The following SUGP1 variants were observed in gnomAD, a reference collection of about 807,000 sequenced individuals.
SUGP1 encodes SURP and G-patch domain-containing protein 1.
A neutral mutation model predicts 76.5 loss-of-function variants in SUGP1; 34 were observed. The observed-to-expected ratio is 0.44, with a 90% CI of 0.34 to 0.59. The LOEUF is 0.59. Among genes scored for constraint, SUGP1 ranks in the 20% least tolerant of loss-of-function variants. The pLI is 0.01. For synonymous variants in SUGP1, 326 were observed against 326.2 expected, an observed-to-expected ratio of 1.00 and a Z score of 0.01; for missense variants, 752 against 851.7, an observed-to-expected ratio of 0.88 and a Z score of 1.46.
At chr19:19,284,875 GTTTTT>G (rs756645152) in intron 8 of SUGP1, among the ~76,000 whole-genome samples, 1 of 129,776 alleles carries the variant, frequency 7.7e-6, no homozygotes, top group Non-Finnish European at 1.7e-5. Context: ...AAACAGGTTT[GTTTTT>G]TTTTTTTTTT....
intron 8 of SUGP1, among the ~76,000 whole-genome samples, chr19:19,289,986 C>T (rs2061169322): frequency 1.3e-5 from 2 of 151,896 alleles, no homozygotes; most frequent in Non-Finnish European, 2.9e-5. Context: ...GCCATGTACT[C>T]GGCCCCCAAC....
intron 2 of SUGP1, among the ~76,000 whole-genome samples, chr19:19,313,168 C>A (rs1029346556): frequency 6.6e-6 from 1 of 151,660 alleles, no homozygotes; most frequent in African/African-American, 2.4e-5. Context: ...CCAAAGCAGG[C>A]GGATCACCTG....
chr19:19,300,742 A>T lies in SUGP1; in HGVS notation c.887+1523T>A, dbSNP rs976462509. 1.4e-4 allele frequency among the ~76,000 whole-genome samples: 21 copies of T among 152,136 alleles called. No individual in the cohort carries two copies. In the South Asian group the frequency reaches 1.5e-3, roughly 11 times the overall value. ...TCTCCTCTGGCTGCCCGGGGTACCC[A>T]CCCCAGGCGACCTCAACCAGCCTGG... is the stretch of plus-strand genomic sequence containing the variant. On this transcript the variant is annotated intron_variant, in intron 7 of 13. Coordinates refer to ENST00000247001, the MANE Select transcript of SUGP1 (RefSeq NM_172231.4).
intron 7 of SUGP1, among the ~76,000 whole-genome samples, chr19:19,297,663 C>A (rs1188419022): frequency 6.6e-6 from 1 of 152,178 alleles, no homozygotes; most frequent in Admixed American, 6.5e-5. Flanking sequence ...TTCCCCAGGG[C>A]CTGGGAAAAG....
intron 7 of SUGP1, among the ~76,000 whole-genome samples, chr19:19,300,041 G>T (rs1433552208): frequency 6.6e-6 from 1 of 151,972 alleles, no homozygotes; most frequent in African/African-American, 2.4e-5. Context: ...GCCTCCCAAA[G>T]TGCTGGGATT....
Position 19,297,293 on chromosome 19 carries a change from C to A in SUGP1, c.939G>T (p.Leu313=). The A allele has an allele frequency of 6.5e-7, 1 of 1,545,822 alleles. No homozygotes were observed. Among genetic ancestry groups the A allele is most frequent in the South Asian group, 1.2e-5 (1 of 81,806 alleles). ...TGGCCTTGGCTTTCCGGAACTCCTCCAGCTTCTGTCGGTAGTACTTGTACC... is the reference window on the plus strand; with the variant it reads ...TGGCCTTGGCTTTCCGGAACTCCTCAAGCTTCTGTCGGTAGTACTTGTACC... ...SQGYKYYRQK[L]EEFRKAKASS... is the part of the protein sequence containing the mutation. The change falls in exon 8 of 14, where the codon CTG becomes CTT. Residue 313 remains leucine (L), a synonymous_variant. Coordinates refer to ENST00000247001, the MANE Select transcript of SUGP1 (RefSeq NM_172231.4).
Position 19,317,222 on chromosome 19 carries a change from T to C in SUGP1, c.35-629A>G, listed in dbSNP as rs1362094012. ...GGTGAAAAAGTAACAGGAGAGTACA[T>C]ATGCAGGTAGGACAGGCAGAAAATA... On this transcript the variant is annotated intron_variant, in intron 1 of 13. Transcript: ENST00000247001. Among the ~76,000 whole-genome samples, 92 of 150,840 alleles carry C rather than the reference T, an allele frequency of 6.1e-4. 1 individual carries two copies. Among genetic ancestry groups the C allele is most frequent in the Admixed American group, 6.1e-3 (92 of 15,138 alleles).
At chr19:19,303,702 T>C in intron 5 of SUGP1, 22 bp downstream of exon 5, 2 of 1,613,972 alleles carry the variant, frequency 1.2e-6, no homozygotes, top group Non-Finnish European at 1.7e-6. Flanking sequence ...AGCACAGCCT[T>C]CCCTTCCCCG....
chr19:19,281,904 C>A (rs2146593143), intron 8 of SUGP1, among the ~76,000 whole-genome samples: 1 of 152,336 alleles, frequency 6.6e-6, no homozygotes, highest in East Asian at 1.9e-4. Context: ...GAAATTGCTG[C>A]TAAGAAGGGA....
chr19:19,304,396 C>T (rs536991160), intron 4 of SUGP1, among the ~76,000 whole-genome samples: 3 of 152,118 alleles, frequency 2.0e-5, no homozygotes, highest in Non-Finnish European at 4.4e-5. Flanking sequence ...CCAGGACAGG[C>T]GCTCCAAGAT....
At chr19:19,313,880 G>A (rs1002563571) in intron 2 of SUGP1, among the ~76,000 whole-genome samples, 3 of 152,088 alleles carry the variant, frequency 2.0e-5, no homozygotes, top group Admixed American at 1.3e-4. Context: ...ACTTATGCCT[G>A]TAATCCTAGC....
At chr19:19,303,995 AAACACCATGAC>A in intron 4 of SUGP1, 148 bp from the exon 5 acceptor site, 1 of 1,594,000 alleles carries the variant, frequency 6.3e-7, no homozygotes, top group Non-Finnish European at 8.5e-7. Flanking sequence ...TCCAGGCACA[AAACACCATGAC>A]GAGGGGGGAG....
chr19:19,285,442 C>T (rs1174689402), intron 8 of SUGP1, among the ~76,000 whole-genome samples: 1 of 152,196 alleles, frequency 6.6e-6, no homozygotes, highest in Admixed American at 6.5e-5. Flanking sequence ...GCTAGGATCA[C>T]AGGCATGAGC....
intron 3 of SUGP1, among the ~76,000 whole-genome samples, chr19:19,309,772 C>T (rs4808942): frequency 0.42 from 63,817 of 151,908 alleles, 14,877 homozygotes; most frequent in African/African-American, 0.62. Flanking sequence ...ATTAGCCGGG[C>T]GTGGTGGCGG....
intron 2 of SUGP1, among the ~76,000 whole-genome samples, chr19:19,310,497 A>T (rs1025999665): frequency 6.6e-6 from 1 of 152,312 alleles, no homozygotes; most frequent in South Asian, 2.1e-4. Context: ...GCCCTCCAAC[A>T]AGATGGCTCC....
At chr19:19,302,216 G>C (rs1374734752) in intron 7 of SUGP1, 49 bp downstream of exon 7, 5 of 1,609,292 alleles carry the variant, frequency 3.1e-6, no homozygotes, top group Non-Finnish European at 3.4e-6. Flanking sequence ...CCCCTGCAGG[G>C]GGACTGTGGC....
intron 7 of SUGP1, among the ~76,000 whole-genome samples, chr19:19,300,827 A>G (rs1335525211): frequency 6.6e-6 from 1 of 152,114 alleles, no homozygotes; most frequent in Non-Finnish European, 1.5e-5. Flanking sequence ...CAGAACAGAA[A>G]GGACACACAG....
At chr19:19,300,423 G>C (rs1165422323) in intron 7 of SUGP1, among the ~76,000 whole-genome samples, 2 of 152,248 alleles carry the variant, frequency 1.3e-5, no homozygotes, top group African/African-American at 2.4e-5. Flanking sequence ...GTTTCCCAAA[G>C]TGGCTGGGGT....
At chr19:19,309,941 T>A (rs895825962) in intron 3 of SUGP1, among the ~76,000 whole-genome samples, 156 bp downstream of exon 3, 3 of 152,238 alleles carry the variant, frequency 2.0e-5, no homozygotes, top group African/African-American at 7.2e-5. Context: ...TATTATTTAT[T>A]TATTTATGCC....
Sources: gnomAD v4.1 joint callset for allele counts (sites outside exome capture counted in the v4.1 genomes callset) on GRCh38, gnomAD v4.1.1 for gene constraint, MANE v1.5 for transcripts, NCBI Gene and HGNC (gene_info 2026-07-23, HGNC 2026-07-21) for gene names.